The following DNM1 variants were observed in gnomAD, a reference collection of about 807,000 sequenced individuals.
The protein encoded by DNM1 is dynamin-1.
DNM1 carries 29 observed loss-of-function variants against 104.6 expected under a neutral mutation model. The ratio of observed to expected loss-of-function variants is 0.28; its 90% CI spans 0.21 to 0.38. DNM1 has a LOEUF of 0.38. Ranked by LOEUF, DNM1 falls within the 10% of genes least tolerant of loss-of-function variation. The pLI is 1.00. For synonymous variants in DNM1, 445 were observed against 475.8 expected (o/e 0.94, Z 0.84); for missense variants, 640 against 1,189.4 (o/e 0.54, Z 6.79).
rs895349694 is a variant in DNM1, at chr9:128,234,134, C to T, written c.1422+27C>T. On this transcript the variant is annotated intron_variant, in intron 11 of 21. Coordinates refer to ENST00000372923, the MANE Select transcript of DNM1 (RefSeq NM_004408.4). ...TGAGCCCCGCAGCACCCGGCCTGGC[C>T]GCGCCTTCCTTCCACTCCTGGCCGC... The T allele has an allele frequency of 1.1e-5, 17 of 1,499,824 alleles. No homozygotes were observed. In the Admixed American group the frequency reaches 1.5e-4, roughly 13 times the overall value. The allele number at this position is 1,499,824 out of a possible 1,614,324, so 92.9% of individuals were successfully genotyped here. A position where few individuals can be genotyped will look rare whatever the true frequency, so the allele number is the denominator to read the frequency against.
chr9:128,250,452 G>A, intron 20 of DNM1, 96 bp downstream of exon 20: 4 of 1,343,122 alleles, frequency 3.0e-6, no homozygotes, highest in Non-Finnish European at 4.0e-6. Flanking sequence ...CGTCACCGGG[G>A]TGGCTCCCAC....
At chr9:128,250,063 G>C in intron 19 of DNM1, 52 bp from the exon 20 acceptor site, 1 of 1,613,058 alleles carries the variant, frequency 6.2e-7, no homozygotes, top group African/African-American at 1.3e-5. Context: ...GGGGCGGCCA[G>C]GGCGGCACAG....
chr9:128,247,974 C>T lies in DNM1; in HGVS notation c.1905+39C>T. The T allele has an allele frequency of 6.2e-7, 1 of 1,613,066 alleles. No individual in the cohort carries two copies. The highest frequency in any genetic ancestry group is 1.1e-5 in the South Asian group (1 of 91,060). ...TCTCTTGCCTCCTGCCAGGCATCTG[C>T]AGCCTGGCACCAGCTCCAGCCAGGT... is the stretch of plus-strand genomic sequence containing the variant. On this transcript the variant is annotated intron_variant, in intron 18 of 21. Transcript: ENST00000372923. This position sits in a 1 kb window ranked among gnomAD's most constrained non-coding sequence, Gnocchi z 5.1.
intron 10 of DNM1, among the ~76,000 whole-genome samples, chr9:128,225,034 C>T (rs1588379120): frequency 6.6e-6 from 1 of 152,148 alleles, no homozygotes; most frequent in Non-Finnish European, 1.5e-5. Context: ...CTCACAGAAG[C>T]ACGCAGGGAG....
chr9:128,220,742 C>CGCGCGCGCGCGCGCGCGCGT lies in DNM1; in HGVS notation c.849+402_849+403insCGCGCGCGCGCGCGCGCGTG, dbSNP rs61020870. Among the ~76,000 whole-genome samples the CGCGCGCGCGCGCGCGCGCGT allele has an allele frequency of 3.7e-5, 5 of 136,276 alleles. No homozygotes were observed. The highest frequency in any genetic ancestry group is 2.8e-4 in the South Asian group (1 of 3,538). 89.4% of individuals were successfully genotyped at this position (136,276 alleles called of 152,430 possible). On this transcript the variant is annotated intron_variant, in intron 6 of 21. Coordinates refer to ENST00000372923, the MANE Select transcript of DNM1 (RefSeq NM_004408.4). This position sits in a 1 kb window ranked among gnomAD's most constrained non-coding sequence, Gnocchi z 5.2. ...CAGAACTGAAGTGCGCGCGCGCGCG[C>CGCGCGCGCGCGCGCGCGCGT]GTGTGTGTGTGTGTGTGTGTGTGTG...
rs1834953684 is a variant in DNM1 at position 128,220,921 on chromosome 9, CTTTCTTTCTTTCTTTT to C, written c.849+581_849+596del. On this transcript the variant is annotated intron_variant, in intron 6 of 21. Coordinates refer to ENST00000372923, the MANE Select transcript of DNM1 (RefSeq NM_004408.4). This position sits in a 1 kb window ranked among gnomAD's most constrained non-coding sequence, Gnocchi z 5.2. ...TCTTTCTTTCTTTCTTTCTTTCTTT[CTTTCTTTCTTTCTTTT>C]CTTTTCTTTCTTTCTTTCCTTTCTT... Among the ~76,000 whole-genome samples the C allele has an allele frequency of 6.9e-6, 1 of 143,900 alleles. No individual in the cohort carries two copies. Among genetic ancestry groups the C allele is most frequent in the Admixed American group, 7.0e-5 (1 of 14,296 alleles). 94.4% of individuals were successfully genotyped at this position (143,900 alleles called of 152,430 possible).
At chr9:128,228,120 C>T (rs552149663) in intron 10 of DNM1, among the ~76,000 whole-genome samples, 3 of 152,316 alleles carry the variant, frequency 2.0e-5, no homozygotes, top group Admixed American at 6.5e-5. Context: ...CGGCTCACTG[C>T]AACCTCCACC....
chr9:128,230,994 G>A (rs1216082400), intron 10 of DNM1, among the ~76,000 whole-genome samples: 1 of 151,370 alleles, frequency 6.6e-6, no homozygotes, highest in Non-Finnish European at 1.5e-5. Flanking sequence ...GTAGAGATGG[G>A]ATTTCACCAT....
rs1226956286 is a variant in DNM1, at chr9:128,254,731, C to A, written c.*17C>A. 6.3e-7 allele frequency: 1 copy of A among 1,594,136 alleles called. No homozygotes were observed. Among genetic ancestry groups the A allele is most frequent in the African/African-American group, 1.3e-5 (1 of 74,780 alleles). On this transcript the variant is annotated 3_prime_UTR_variant, in exon 22 of 22. Transcript: ENST00000372923. This position sits in a 1 kb window ranked among gnomAD's most constrained non-coding sequence, Gnocchi z 6.1. ...GACCTCTAAACAGATCCCTCCTCTT[C>A]TCGGAGACCTCCCTTTCCAAGCCTG...
At position 128,248,054 on chromosome 9, in the gene DNM1, C is replaced by G. The variant is rs534847110; in HGVS notation, c.1905+119C>G. The G allele has an allele frequency of 2.9e-6, 4 of 1,385,290 alleles. No homozygotes were observed. In the African/African-American group the frequency reaches 5.7e-5, roughly 20 times the overall value. 85.8% of individuals were successfully genotyped at this position (1,385,290 alleles called of 1,614,324 possible). On this transcript the variant is annotated intron_variant, in intron 18 of 21. Coordinates refer to ENST00000372923, the MANE Select transcript of DNM1 (RefSeq NM_004408.4). The surrounding 1 kb of genome is among the most constrained non-coding windows in gnomAD (Gnocchi z 5.6). Reference sequence around the variant, plus strand: ...TTCTAATTTCTGGATTGGGGCCAGGCGCAGTGGCTCACACCTGTAAACCCA... The same window carrying G: ...TTCTAATTTCTGGATTGGGGCCAGGGGCAGTGGCTCACACCTGTAAACCCA...
intron 6 of DNM1, among the ~76,000 whole-genome samples, chr9:128,221,984 T>A (rs967476602): frequency 6.6e-6 from 1 of 152,220 alleles, no homozygotes; most frequent in African/African-American, 2.4e-5. Context: ...GATTTCTGGC[T>A]TTATTGAAAA....
Position 128,218,462 on chromosome 9 carries a change from G to A in DNM1, c.236-120G>A. The A allele has an allele frequency of 7.2e-7, 1 of 1,396,498 alleles. No homozygotes were observed. The highest frequency in any genetic ancestry group is 1.2e-5 in the South Asian group (1 of 81,856). The allele number at this position is 1,396,498 out of a possible 1,614,324, so 86.5% of individuals were successfully genotyped here. A position where few individuals can be genotyped will look rare whatever the true frequency, so the allele number is the denominator to read the frequency against. On this transcript the variant is annotated intron_variant, in intron 2 of 21. Transcript: ENST00000372923. The surrounding 1 kb of genome is among the most constrained non-coding windows in gnomAD (Gnocchi z 4.8). ...GGATCAAAATACATAATGGAGACGTGGGTGGTGGTTCTGCTTGGGTGTGTC... is the reference window on the plus strand; with the variant it reads ...GGATCAAAATACATAATGGAGACGTAGGTGGTGGTTCTGCTTGGGTGTGTC...
chr9:128,218,891 C>T lies in DNM1; in HGVS notation c.386-158C>T. 8 of 1,293,782 alleles carry T rather than the reference C, an allele frequency of 6.2e-6. No individual in the cohort carries two copies. Among genetic ancestry groups the T allele is most frequent in the Non-Finnish European group, 8.4e-6 (8 of 950,120 alleles). The allele number at this position is 1,293,782 out of a possible 1,614,324, so 80.1% of individuals were successfully genotyped here. Reference sequence around the variant, plus strand: ...TGCCGTGATTCCGCCCACTTCCGGCCACGCCTCCAACAGACTGCCACTTTC... The same window carrying T: ...TGCCGTGATTCCGCCCACTTCCGGCTACGCCTCCAACAGACTGCCACTTTC... On this transcript the variant is annotated intron_variant, in intron 3 of 21. Transcript: ENST00000372923. This position sits in a 1 kb window ranked among gnomAD's most constrained non-coding sequence, Gnocchi z 4.8.
chr9:128,211,978 G>C (rs1037490197), intron 1 of DNM1, among the ~76,000 whole-genome samples: 1 of 152,196 alleles, frequency 6.6e-6, no homozygotes, highest in Non-Finnish European at 1.5e-5. Flanking sequence ...TCTCTTCTTA[G>C]GTCAGGGAAA....
chr9:128,253,421 G>A lies in DNM1; in HGVS notation c.2535-1233G>A. The A allele has an allele frequency of 3.9e-6, 2 of 517,738 alleles. No individual in the cohort carries two copies. Among genetic ancestry groups the A allele is most frequent in the South Asian group, 2.3e-5 (1 of 43,814 alleles). 32.1% of individuals were successfully genotyped at this position (517,738 alleles called of 1,614,324 possible). On this transcript the variant is annotated intron_variant, in intron 21 of 21. Transcript: ENST00000372923. This position sits in a 1 kb window ranked among gnomAD's most constrained non-coding sequence, Gnocchi z 5.9. ...AAGCTGGCAGACATGGGTGCTCTCT[G>A]GAGCCGTCAGAGAGGGCAGAGAGCT... is the stretch of plus-strand genomic sequence containing the variant.
chr9:128,231,959 T>A, intron 10 of DNM1: 1 of 456,094 alleles, frequency 2.2e-6, no homozygotes, highest in Non-Finnish European at 4.4e-6. Flanking sequence ...AGCCAAGGGC[T>A]GAGAGGGGAA....
rs1834937929 is a variant in DNM1 at position 128,220,891 on chromosome 9, TTCTTTCTTTCTTTC to T, written c.849+552_849+565del. Among the ~76,000 whole-genome samples the T allele has an allele frequency of 1.1e-5, 1 of 92,436 alleles. No homozygotes were observed. The highest frequency in any genetic ancestry group is 2.7e-5 in the Non-Finnish European group (1 of 37,146). The allele number at this position is 92,436 out of a possible 152,430, so 60.6% of individuals were successfully genotyped here. A position where few individuals can be genotyped will look rare whatever the true frequency, so the allele number is the denominator to read the frequency against. The stretch of plus-strand genomic sequence containing the variant: ...TTTCTTTTTTCTTTATTTGTTTTCT[TTCTTTCTTTCTTTC>T]TTTCTTTCTTTCTTTCTTTCTTTCT... On this transcript the variant is annotated intron_variant, in intron 6 of 21. Coordinates refer to ENST00000372923, the MANE Select transcript of DNM1 (RefSeq NM_004408.4). This position sits in a 1 kb window ranked among gnomAD's most constrained non-coding sequence, Gnocchi z 5.2.
intron 1 of DNM1, among the ~76,000 whole-genome samples, chr9:128,216,924 G>A (rs1051329964): frequency 6.6e-6 from 1 of 152,178 alleles, no homozygotes; most frequent in Non-Finnish European, 1.5e-5. Context: ...CCTTTCCTGG[G>A]CCCTGGAGAT....
Position 128,203,911 on chromosome 9 carries a change from G to C in DNM1, c.161+280G>C, listed in dbSNP as rs1833677985. Among the ~76,000 whole-genome samples, 2 of 152,172 alleles carry C rather than the reference G, an allele frequency of 1.3e-5. No homozygotes were observed. The highest frequency in any genetic ancestry group is 4.1e-4 in the South Asian group (2 of 4,834). On this transcript the variant is annotated intron_variant, in intron 1 of 21. Transcript: ENST00000372923. The surrounding 1 kb of genome is among the most constrained non-coding windows in gnomAD (Gnocchi z 5.3). ...CTTTAGGGCAGACAACGCTCTGCCA[G>C]AAGCCCCGGGCAAAGAGCTGCCCCC...
Sources: allele counts gnomAD v4.1 joint callset (sites outside exome capture counted in the v4.1 genomes callset), GRCh38; gene constraint gnomAD v4.1.1; non-coding constraint Gnocchi (gnomAD v3.1); transcripts MANE v1.5; gene names NCBI Gene and HGNC (gene_info 2026-07-23, HGNC 2026-07-21).